The following TJP1 variants were observed in gnomAD, a reference collection of about 807,000 sequenced individuals.
TJP1 encodes the protein tight junction protein ZO-1.
Under a neutral mutation model 194.2 loss-of-function variants are expected in TJP1, and 43 were observed. The ratio of observed to expected loss-of-function variants is 0.22; its 90% CI spans 0.17 to 0.29. The LOEUF (loss-of-function observed/expected upper bound fraction) is 0.29, where lower values mean the gene tolerates loss of function less well. Among genes scored for constraint, TJP1 ranks in the 10% least tolerant of loss-of-function variants. The pLI, the probability that TJP1 is intolerant of heterozygous loss-of-function variation, is 1.00. For synonymous variants in TJP1, 801 were observed against 779.0 expected (o/e 1.03, Z -0.47); for missense variants, 1,971 against 2,185.7 (o/e 0.90, Z 1.96).
intron 1 of TJP1, among the ~76,000 whole-genome samples, chr15:29,963,422 A>G (rs141083616): frequency 4.3e-4 from 66 of 152,310 alleles, no homozygotes; most frequent in African/African-American, 1.6e-3. Flanking sequence ...ATGGGGTGCT[A>G]TAAGTTAAAT....
chr15:29,838,579 A>T (rs981969507), intron 2 of TJP1, among the ~76,000 whole-genome samples: 1 of 151,032 alleles, frequency 6.6e-6, no homozygotes, highest in Non-Finnish European at 1.5e-5. Flanking sequence ...CATGTTATTC[A>T]GATTTCACCT....
intron 2 of TJP1, among the ~76,000 whole-genome samples, chr15:29,778,113 T>C (rs1051749731): frequency 1.3e-5 from 2 of 152,136 alleles, no homozygotes; most frequent in Non-Finnish European, 2.9e-5. Context: ...AAAAAATTAC[T>C]TGTGAGCAAG....
chr15:29,761,713 T>C lies in TJP1; in HGVS notation c.750A>G (p.Glu250=). 1 of 1,603,026 alleles carries C rather than the reference T, an allele frequency of 6.2e-7. No homozygotes were observed. The highest frequency in any genetic ancestry group is 8.5e-7 in the Non-Finnish European group (1 of 1,171,192). ...MSLTDAKTLI[E]RSKGKLKMVV... is the part of the protein sequence containing the mutation. ...CCATTTTTAATTTGCCTTTAGACCTTTCTATCAATGTCTTTGCATCTGTCA... is the reference window on the plus strand; with the variant it reads ...CCATTTTTAATTTGCCTTTAGACCTCTCTATCAATGTCTTTGCATCTGTCA... The change falls in exon 7 of 28, where the codon GAA becomes GAG. Residue 250 remains glutamate, a synonymous_variant. Coordinates refer to ENST00000614355, the MANE Select transcript of TJP1 (RefSeq NM_001330239.4).
chr15:29,949,222 T>C (rs1399278851), intron 2 of TJP1, among the ~76,000 whole-genome samples: 147 of 29,768 alleles, frequency 4.9e-3, no homozygotes, highest in African/African-American at 7.2e-3. Flanking sequence ...CCACCTCCAC[T>C]TTCACCACCA....
chr15:29,942,800 T>C (rs1353884350), intron 2 of TJP1, among the ~76,000 whole-genome samples: 2 of 152,216 alleles, frequency 1.3e-5, no homozygotes, highest in African/African-American at 4.8e-5. Flanking sequence ...GAACTGGGGC[T>C]GGCAAGGGCA....
chr15:29,790,752 T>A (rs2048022762), intron 2 of TJP1, among the ~76,000 whole-genome samples: 1 of 115,366 alleles, frequency 8.7e-6, no homozygotes, highest in Non-Finnish European at 1.9e-5. Flanking sequence ...TTCATTTTTC[T>A]TTTTTTTTTT....
intron 9 of TJP1, among the ~76,000 whole-genome samples, 179 bp downstream of exon 9, chr15:29,742,463 T>C (rs554375592): frequency 6.6e-6 from 1 of 152,224 alleles, no homozygotes; most frequent in African/African-American, 2.4e-5. Flanking sequence ...AAAACATTCA[T>C]GAAAGGCAAC....
chr15:29,968,106 A>G (rs1311643634), intron 1 of TJP1: 1 of 985,346 alleles, frequency 1.0e-6, no homozygotes, highest in East Asian at 1.1e-4. Context: ...TTACCTCAGT[A>G]ACAGTTTCCA....
upstream of TJP1, chr15:29,822,544 G>A (rs1449688474): frequency 1.5e-5 from 14 of 952,610 alleles, no homozygotes; most frequent in Non-Finnish European, 1.7e-5. Flanking sequence ...GGCGAGGCGA[G>A]GCGGGGAGGG....
chr15:29,894,388 G>A (rs1490499133), intron 2 of TJP1, among the ~76,000 whole-genome samples: 1 of 152,210 alleles, frequency 6.6e-6, no homozygotes, highest in African/African-American at 2.4e-5. Flanking sequence ...GAATCCTAGA[G>A]GCGGAAGTTG....
chr15:29,803,322 C>G (rs1309529809), intron 1 of TJP1, among the ~76,000 whole-genome samples: 1 of 152,140 alleles, frequency 6.6e-6, no homozygotes, highest in African/African-American at 2.4e-5. Flanking sequence ...GGTACCCATA[C>G]AACCATTGTT....
intron 2 of TJP1, among the ~76,000 whole-genome samples, chr15:29,794,013 G>A (rs539729303): frequency 1.3e-5 from 2 of 152,212 alleles, no homozygotes; most frequent in Non-Finnish European, 2.9e-5. Flanking sequence ...GAATTTGGAA[G>A]TATTCTCTTC....
At chr15:29,956,695 T>C (rs1033129926) in intron 1 of TJP1, among the ~76,000 whole-genome samples, 2 of 152,050 alleles carry the variant, frequency 1.3e-5, no homozygotes, top group Non-Finnish European at 2.9e-5. Flanking sequence ...GCCTGGGCAA[T>C]ACAGGGAGAC....
intron 26 of TJP1, 69 bp from the exon 27 acceptor site, chr15:29,704,374 C>T: frequency 1.3e-6 from 2 of 1,509,372 alleles, no homozygotes; most frequent in Non-Finnish European, 1.8e-6. Flanking sequence ...CAGTTTTCCT[C>T]ACCCTGCTTC....
At chr15:29,723,817 G>A (rs2043078843) in intron 18 of TJP1, among the ~76,000 whole-genome samples, 1 of 152,194 alleles carries the variant, frequency 6.6e-6, no homozygotes. Flanking sequence ...AAAGTGAGAA[G>A]TATTTGAGGG....
chr15:29,705,469 A>G (rs2041834116), intron 26 of TJP1, 59 bp downstream of exon 26: 1 of 1,537,854 alleles, frequency 6.5e-7, no homozygotes, highest in African/African-American at 1.4e-5. Flanking sequence ...TAAGCTCTGA[A>G]GTGCACACAG....
At chr15:29,757,567 G>A (rs2045724144) in intron 8 of TJP1, among the ~76,000 whole-genome samples, 2 of 152,138 alleles carry the variant, frequency 1.3e-5, no homozygotes, top group Non-Finnish European at 2.9e-5. Flanking sequence ...TACAGGATTT[G>A]AAGATTCAAC....
chr15:29,900,449 G>C (rs1017083820), intron 2 of TJP1, among the ~76,000 whole-genome samples: 1 of 152,188 alleles, frequency 6.6e-6, no homozygotes, highest in Non-Finnish European at 1.5e-5. Flanking sequence ...AAGCTACTAG[G>C]AGGCTACTTC....
At chr15:29,965,004 A>T (rs1262028474) in intron 1 of TJP1, among the ~76,000 whole-genome samples, 1 of 152,148 alleles carries the variant, frequency 6.6e-6, no homozygotes, top group Non-Finnish European at 1.5e-5. Context: ...CACAAAGAAA[A>T]ACTGACAGGC....
Sources: gnomAD v4.1 joint callset for allele counts (sites outside exome capture counted in the v4.1 genomes callset) on GRCh38, gnomAD v4.1.1 for gene constraint, MANE v1.5 for transcripts, NCBI Gene and HGNC (gene_info 2026-07-23, HGNC 2026-07-21) for gene names.